The following KCNMA1 variants were observed in gnomAD, a reference collection of about 807,000 sequenced individuals.
KCNMA1 encodes Calcium-activated potassium channel subunit alpha-1.
In KCNMA1, 29 loss-of-function variants were observed where a neutral mutation model predicts 140.0. That is an observed-to-expected ratio of 0.21 (90% CI 0.15 to 0.28). KCNMA1 has a LOEUF of 0.28. Ranked by LOEUF, KCNMA1 falls within the 10% of genes least tolerant of loss-of-function variation. The pLI is 1.00. For missense variants in KCNMA1, 880 were observed against 1,602.2 expected, an observed-to-expected ratio of 0.55 and a Z score of 7.70; for synonymous variants, 612 against 611.9, an observed-to-expected ratio of 1.00 and a Z score of 0.00.
At chr10:76,928,975 C>G (rs1564970653) in intron 23 of KCNMA1, among the ~76,000 whole-genome samples, 1 of 152,168 alleles carries the variant, frequency 6.6e-6, no homozygotes, top group African/African-American at 2.4e-5. Context: ...CATGAGGGAA[C>G]AGGAAGCATT....
At chr10:77,487,757 G>A (rs78765719) in intron 1 of KCNMA1, among the ~76,000 whole-genome samples, 1,524 of 152,274 alleles carry the variant, frequency 0.01, 29 homozygotes, top group African/African-American at 0.035. Context: ...AAATGGAAAT[G>A]CAAGACATTT....
chr10:77,068,617 T>G (rs1341525319), intron 14 of KCNMA1, among the ~76,000 whole-genome samples: 6 of 151,402 alleles, frequency 4.0e-5, no homozygotes, highest in Non-Finnish European at 5.9e-5. Flanking sequence ...ACACTAGAAA[T>G]ACATAACATA....
chr10:77,197,975 A>G (rs2041153213), intron 3 of KCNMA1, among the ~76,000 whole-genome samples: 1 of 152,196 alleles, frequency 6.6e-6, no homozygotes, highest in African/African-American at 2.4e-5. Flanking sequence ...GGGGCGAGAC[A>G]GAGGGAAGGT....
At chr10:76,956,482 A>G (rs1344437805) in intron 20 of KCNMA1, among the ~76,000 whole-genome samples, 4 of 152,200 alleles carry the variant, frequency 2.6e-5, no homozygotes, top group Non-Finnish European at 5.9e-5. Context: ...AGGAACATCA[A>G]AAACCTCCCG....
In KCNMA1 at chr10:77,580,023, T is replaced by G. The variant is rs181362779; in HGVS notation, c.378+57242A>C. ...CCAGCTAACTTTCCATAAAATGCTA[T>G]CCTTAATAAATCCAGAAAACAAACA... On this transcript the variant is annotated intron_variant, in intron 1 of 27. Coordinates refer to ENST00000286628, the MANE Select transcript of KCNMA1 (RefSeq NM_001161352.2). 2.5e-3 allele frequency among the ~76,000 whole-genome samples: 380 copies of G among 152,292 alleles called. 2 individuals carry two copies. The highest frequency in any genetic ancestry group is 8.7e-3 in the African/African-American group (363 of 41,560).
chr10:77,558,287 G>C (rs557200783), intron 1 of KCNMA1, among the ~76,000 whole-genome samples: 4 of 152,140 alleles, frequency 2.6e-5, no homozygotes, highest in African/African-American at 7.2e-5. Context: ...TACCCTGGCA[G>C]CATCTCCCTT....
At position 77,045,268 on chromosome 10, in the gene KCNMA1, A is replaced by T. The variant is rs187351468; in HGVS notation, c.1750-5631T>A. Among the ~76,000 whole-genome samples the T allele has an allele frequency of 2.6e-4, 40 of 152,306 alleles. 1 individual carries two copies. The highest frequency in any genetic ancestry group is 2.5e-3 in the East Asian group (13 of 5,170). ...GACTTAGGGAAAGGTGCCAGAATTA[A>T]TTTGCCAGCCATTCAGCAATCAGTC... On this transcript the variant is annotated intron_variant, in intron 14 of 27. Transcript: ENST00000286628.
At chr10:77,346,116 G>A (rs977157421) in intron 2 of KCNMA1, among the ~76,000 whole-genome samples, 6 of 152,138 alleles carry the variant, frequency 3.9e-5, no homozygotes, top group Middle Eastern at 3.2e-3. Context: ...TCTTCATGAC[G>A]AACCTTGAAA....
chr10:77,141,481 C>G (rs1420036830), intron 5 of KCNMA1, among the ~76,000 whole-genome samples: 1 of 152,226 alleles, frequency 6.6e-6, no homozygotes, highest in African/African-American at 2.4e-5. Flanking sequence ...CTTTCTCCCT[C>G]TCTGCCATGT....
chr10:76,906,213 A>G (rs2047777837), intron 25 of KCNMA1, among the ~76,000 whole-genome samples: 1 of 150,618 alleles, frequency 6.6e-6, no homozygotes, highest in Admixed American at 6.6e-5. Context: ...AGAAAGTGAT[A>G]GCTGGATGAA....
In KCNMA1 at chr10:77,041,068, GC is replaced by G; in HGVS notation, c.1750-1432del. ...GGGATCTCAGCTCACTGCAATCTCT[GC>G]CCCCTGGGTTCAAGAGATTCTATTG... On this transcript the variant is annotated intron_variant, in intron 14 of 27. Transcript: ENST00000286628. 2.6e-5 allele frequency among the ~76,000 whole-genome samples: 4 copies of G among 152,106 alleles called. No individual in the cohort carries two copies. In the South Asian group the frequency reaches 8.3e-4, roughly 32 times the overall value.
At chr10:77,333,288 T>C (rs1383519730) in intron 2 of KCNMA1, among the ~76,000 whole-genome samples, 1 of 148,494 alleles carries the variant, frequency 6.7e-6, no homozygotes, top group Non-Finnish European at 1.5e-5. Context: ...TCCAGTACTT[T>C]GGGAGGATTG....
chr10:77,394,317 A>C (rs2095954668), intron 2 of KCNMA1, among the ~76,000 whole-genome samples: 1 of 152,194 alleles, frequency 6.6e-6, no homozygotes, highest in African/African-American at 2.4e-5. Flanking sequence ...CCAACACACC[A>C]GCTAGTAAAA....
chr10:76,881,181 C>T (rs567025165), downstream of KCNMA1, among the ~76,000 whole-genome samples: 340 of 152,262 alleles, frequency 2.2e-3, 2 homozygotes, highest in African/African-American at 7.5e-3. Context: ...CATGAAGAAG[C>T]AAGGAGATGC....
chr10:77,529,454 C>T (rs138262134), intron 1 of KCNMA1, among the ~76,000 whole-genome samples: 6 of 152,214 alleles, frequency 3.9e-5, no homozygotes, highest in South Asian at 2.1e-4. Context: ...CCTCACTCCC[C>T]GGCACCTACC....
exon 28 of KCNMA1, chr10:76,869,639 A>C (rs1366366370): frequency 6.6e-6 from 1 of 152,626 alleles, no homozygotes; most frequent in African/African-American, 2.4e-5. Context: ...AATCTGCGAA[A>C]AATACAAAAT....
chr10:77,469,472 C>A (rs774870197), intron 1 of KCNMA1, among the ~76,000 whole-genome samples: 1 of 152,148 alleles, frequency 6.6e-6, no homozygotes, highest in Non-Finnish European at 1.5e-5. Context: ...CTGAATATAA[C>A]GGTTGCCAGA....
intron 14 of KCNMA1, chr10:77,071,539 A>G (rs1248049310): frequency 6.6e-6 from 1 of 152,194 alleles, no homozygotes; most frequent in Non-Finnish European, 1.5e-5. Flanking sequence ...ACGTGGCTAC[A>G]TCTGGCTTCA....
At chr10:77,118,825 C>A (rs1055104565) in intron 6 of KCNMA1, among the ~76,000 whole-genome samples, 2 of 152,206 alleles carry the variant, frequency 1.3e-5, no homozygotes, top group Non-Finnish European at 2.9e-5. Context: ...TCTCTGACAG[C>A]AGGACTCCTA....
Sources: gnomAD v4.1 joint callset for allele counts (sites outside exome capture counted in the v4.1 genomes callset) on GRCh38, gnomAD v4.1.1 for gene constraint, MANE v1.5 for transcripts, NCBI Gene and HGNC (gene_info 2026-07-23, HGNC 2026-07-21) for gene names.